Variants in EXOC6 observed in about 807,000 individuals in gnomAD.
EXOC6 encodes exocyst complex component 6, also known as SEC15-like 1.
In EXOC6, 60 loss-of-function variants were observed where a neutral mutation model predicts 112.5. The ratio of observed to expected loss-of-function variants is 0.53; its 90% CI spans 0.43 to 0.66. The LOEUF (loss-of-function observed/expected upper bound fraction) is 0.66. EXOC6 is among the 30% of genes least tolerant of loss of function. EXOC6 has a pLI of 0.00. For synonymous variants in EXOC6, 295 were observed against 308.0 expected, an observed-to-expected ratio of 0.96 and a Z score of 0.44; for missense variants, 855 against 957.1, an observed-to-expected ratio of 0.89 and a Z score of 1.41.
chr10:92,935,217 A>G (rs552475657), intron 11 of EXOC6, among the ~76,000 whole-genome samples: 11 of 152,110 alleles, frequency 7.2e-5, no homozygotes, highest in African/African-American at 2.2e-4. Flanking sequence ...TTCCTAGCAT[A>G]TTAATAAAGA....
intron 20 of EXOC6, among the ~76,000 whole-genome samples, chr10:93,019,792 T>C (rs1346429703): frequency 6.6e-6 from 1 of 152,162 alleles, no homozygotes; most frequent in African/African-American, 2.4e-5. Context: ...TTCAAGGACC[T>C]CGAAAAGTGA....
intron 9 of EXOC6, among the ~76,000 whole-genome samples, chr10:92,932,443 T>A (rs1466372030): frequency 6.6e-6 from 1 of 152,172 alleles, no homozygotes; most frequent in Non-Finnish European, 1.5e-5. Context: ...TTTTATTATA[T>A]GTAAATTGTA....
intron 18 of EXOC6, among the ~76,000 whole-genome samples, chr10:92,988,734 T>C (rs935625495): frequency 6.6e-6 from 1 of 151,708 alleles, no homozygotes; most frequent in Non-Finnish European, 1.5e-5. Flanking sequence ...CCGAGGCAGG[T>C]GGATCACTTG....
intron 1 of EXOC6, among the ~76,000 whole-genome samples, chr10:92,879,680 G>A (rs998325435): frequency 6.7e-6 from 1 of 149,978 alleles, no homozygotes; most frequent in Admixed American, 6.6e-5. Context: ...TTATCCATCA[G>A]TACTGATTTC....
Position 92,955,683 on chromosome 10 carries a change from C to T in EXOC6, c.1742C>T (p.Thr581Ile). The change falls in exon 17 of 22, where the codon ACT becomes ATT. Residue 581 changes from threonine to isoleucine, a missense_variant. This residue lies in a region of EXOC6 where 450 missense variants were observed against 563.5 expected (regional missense o/e 0.80). Transcript: ENST00000260762. ...AATATTTCCCAAGAAACTGTTCATACTACAAGACTTTATGGACTTTCTACT... is the reference window on the plus strand; with the variant it reads ...AATATTTCCCAAGAAACTGTTCATATTACAAGACTTTATGGACTTTCTACT... ...ITNISQETVH[T>I]TRLYGLSTFK... 6.2e-7 allele frequency: 1 copy of T among 1,610,332 alleles called. No individual in the cohort carries two copies. The highest frequency in any genetic ancestry group is 8.5e-7 in the Non-Finnish European group (1 of 1,178,640).
intron 19 of EXOC6, among the ~76,000 whole-genome samples, chr10:93,002,141 C>G (rs1843784854): frequency 3.3e-5 from 5 of 152,100 alleles, no homozygotes; most frequent in Admixed American, 3.3e-4. Flanking sequence ...TATTCCTCCC[C>G]CCCTTTTTTG....
chr10:92,837,252 T>C (rs1476269644), intron 1 of EXOC6, among the ~76,000 whole-genome samples: 3 of 152,160 alleles, frequency 2.0e-5, no homozygotes, highest in Non-Finnish European at 4.4e-5. Context: ...AAGAATGTGA[T>C]TCATACGAGC....
At chr10:92,871,080 G>A (rs560781355) in intron 1 of EXOC6, among the ~76,000 whole-genome samples, 1 of 152,228 alleles carries the variant, frequency 6.6e-6, no homozygotes, top group East Asian at 1.9e-4. Context: ...TTTTGGTAGA[G>A]GAGTCTTTTA....
At chr10:92,872,730 T>C (rs1291007019) in intron 1 of EXOC6, among the ~76,000 whole-genome samples, 2 of 151,668 alleles carry the variant, frequency 1.3e-5, no homozygotes, top group African/African-American at 4.8e-5. Flanking sequence ...TTATAGTCTT[T>C]AGCATTGTAA....
In EXOC6 at chr10:92,921,499, C is replaced by T. The variant is rs145667051; in HGVS notation, c.888+1449C>T. ...CTGACTTTAGGTGATCCACCCGTCT[C>T]GGCCTCCCAAAGTGCTGGGGTTACA... On this transcript the variant is annotated intron_variant, in intron 8 of 21. Coordinates refer to ENST00000260762, the MANE Select transcript of EXOC6 (RefSeq NM_019053.6). 5.6e-3 allele frequency among the ~76,000 whole-genome samples: 845 copies of T among 152,144 alleles called. 6 individuals are homozygous for T. The highest frequency in any genetic ancestry group is 0.017 in the African/African-American group (698 of 41,522).
intron 19 of EXOC6, among the ~76,000 whole-genome samples, chr10:93,003,389 G>A (rs1274165420): frequency 6.6e-6 from 1 of 152,112 alleles, no homozygotes; most frequent in African/African-American, 2.4e-5. Context: ...TTTTTCTGAT[G>A]ATGAAGAAGA....
At chr10:92,909,884 T>C (rs1850645200) in intron 6 of EXOC6, among the ~76,000 whole-genome samples, 1 of 152,214 alleles carries the variant, frequency 6.6e-6, no homozygotes, top group Non-Finnish European at 1.5e-5. Flanking sequence ...TCTCCATATA[T>C]GTGGTGTTAT....
intron 1 of EXOC6, among the ~76,000 whole-genome samples, chr10:92,888,272 A>G (rs918576043): frequency 6.6e-6 from 1 of 152,226 alleles, no homozygotes; most frequent in Non-Finnish European, 1.5e-5. Context: ...ATAGCACAAC[A>G]GAAAAAGAGG....
chr10:92,981,835 C>T (rs970707177), intron 18 of EXOC6, among the ~76,000 whole-genome samples: 8 of 152,036 alleles, frequency 5.3e-5, no homozygotes, highest in African/African-American at 1.2e-4. Flanking sequence ...AAGACATGAT[C>T]GGCTGGGTGC....
chr10:92,900,535 G>A (rs1850105941), intron 5 of EXOC6: 1 of 151,538 alleles, frequency 6.6e-6, no homozygotes, highest in Admixed American at 6.6e-5. Flanking sequence ...TAATAAACAA[G>A]CCAAAAACTA....
chr10:93,056,957 A>G lies in EXOC6; in HGVS notation c.2203A>G (p.Thr735Ala), dbSNP rs1846570940. The G allele has an allele frequency of 2.5e-6, 4 of 1,601,096 alleles. No individual in the cohort carries two copies. Among genetic ancestry groups the G allele is most frequent in the Middle Eastern group, 1.7e-4 (1 of 6,036 alleles). Residue 735 changes from threonine to alanine, a missense_variant, in exon 21 of 22, where the codon ACT becomes GCT. Around this residue, in one of 2 missense-constraint regions of EXOC6, gnomAD observed 450 missense variants for 563.5 expected, o/e 0.80. Transcript: ENST00000260762. ...CCTGTTTATGGTTTGGGATTGGTCT[A>G]CTTACCTAGCTGATTATGGGCAGCC... ...LDLFMVWDWSTYLADYGQPAS... is the reference protein window; with the variant it reads ...LDLFMVWDWSAYLADYGQPAS...
intron 18 of EXOC6, among the ~76,000 whole-genome samples, chr10:92,987,135 A>G (rs1329931052): frequency 6.6e-6 from 1 of 152,234 alleles, no homozygotes; most frequent in Non-Finnish European, 1.5e-5. Context: ...TATTAAAATC[A>G]TCTGTGGGAA....
intron 20 of EXOC6, among the ~76,000 whole-genome samples, chr10:93,045,951 G>A (rs532383649): frequency 6.6e-6 from 1 of 152,254 alleles, no homozygotes; most frequent in South Asian, 2.1e-4. Flanking sequence ...AGCCTAGTCT[G>A]GCTTTCAGAA....
At chr10:92,956,532 G>A (rs566980423) in intron 17 of EXOC6, among the ~76,000 whole-genome samples, 1 of 152,160 alleles carries the variant, frequency 6.6e-6, no homozygotes, top group East Asian at 1.9e-4. Flanking sequence ...AACTAATTTA[G>A]TGTTAACATT....
Sources: gnomAD v4.1 joint callset for allele counts (sites outside exome capture counted in the v4.1 genomes callset) on GRCh38, gnomAD v4.1.1 for gene constraint, gnomAD v4.1.1 regional missense constraint, MANE v1.5 for transcripts, NCBI Gene and HGNC (gene_info 2026-07-23, HGNC 2026-07-21) for gene names.